Variants in JAM3 observed in about 807,000 individuals in gnomAD.
The protein encoded by JAM3 is junctional adhesion molecule C.
JAM3 carries 31 observed loss-of-function variants against 39.4 expected under a neutral mutation model. The observed-to-expected ratio is 0.79, with a 90% CI of 0.59 to 1.06. JAM3 has a LOEUF of 1.06. JAM3 is among the 50% of genes least tolerant of loss of function. The pLI, the probability that JAM3 is intolerant of heterozygous loss-of-function variation, is 0.00. For missense variants in JAM3, 455 were observed against 391.4 expected (o/e 1.16, Z -1.37); for synonymous variants, 182 against 148.7 (o/e 1.22, Z -1.63).
intron 1 of JAM3, among the ~76,000 whole-genome samples, chr11:134,123,628 T>TC (rs1456153171): frequency 6.6e-6 from 1 of 152,230 alleles, no homozygotes. Flanking sequence ...TCTTTCTCTT[T>TC]TCTTAAACAT....
chr11:134,107,478 TA>T (rs1942215876), intron 1 of JAM3, among the ~76,000 whole-genome samples: 5 of 151,846 alleles, frequency 3.3e-5, no homozygotes, highest in South Asian at 4.2e-4. Flanking sequence ...ACATAAAGTA[TA>T]AAAAATATAT....
intron 1 of JAM3, 93 bp from the exon 2 acceptor site, chr11:134,139,758 A>T (rs1182752898): frequency 3.2e-6 from 3 of 932,976 alleles, no homozygotes; most frequent in Non-Finnish European, 5.4e-6. Flanking sequence ...TAGTAACCAT[A>T]GCCTACGCAG....
chr11:134,110,130 C>T (rs1255622101), intron 1 of JAM3, among the ~76,000 whole-genome samples: 1 of 152,174 alleles, frequency 6.6e-6, no homozygotes, highest in East Asian at 1.9e-4. Context: ...CACTGTGCAT[C>T]TATCAGAATG....
intron 1 of JAM3, among the ~76,000 whole-genome samples, chr11:134,133,465 CT>C (rs1216203267): frequency 4.6e-5 from 7 of 152,072 alleles, no homozygotes; most frequent in African/African-American, 1.7e-4. Flanking sequence ...ATAGAAAGTT[CT>C]TTCTATTCCT....
chr11:134,135,116 TATAGTTTTAGCTCTTAAATTTA>T (rs997928963), intron 1 of JAM3, among the ~76,000 whole-genome samples: 14 of 152,206 alleles, frequency 9.2e-5, no homozygotes, highest in Admixed American at 2.0e-4. Context: ...TCCAAAATTT[TATAGTTTTAGCTCTTAAATTTA>T]ATAGTTTTAG....
In JAM3 at chr11:134,074,148, T is replaced by A. The variant is rs540770294; in HGVS notation, c.76+4989T>A. ...TGATTACGATTACACAAAACATCTA[T>A]GCTTAGGGGAAAAAACAGGATGAGA... On this transcript the variant is annotated intron_variant, in intron 1 of 8. Transcript: ENST00000299106. Among the ~76,000 whole-genome samples the A allele has an allele frequency of 1.4e-4, 21 of 152,316 alleles. No individual in the cohort carries two copies. In the South Asian group the frequency reaches 4.3e-3, roughly 32 times the overall value.
Position 134,151,293 on chromosome 11 carries a change from C to T in JAM3, c.*2112C>T, listed in dbSNP as rs958722203. On this transcript the variant is annotated 3_prime_UTR_variant, in exon 9 of 9. Coordinates refer to ENST00000299106, the MANE Select transcript of JAM3 (RefSeq NM_032801.5). ...GAGGCAGGAAATGCTCCAGCAGTGG[C>T]TCAGTGCTCCCTGGTGTCTGCTGCA... is the stretch of plus-strand genomic sequence containing the variant. The T allele has an allele frequency of 6.6e-6, 1 of 152,260 alleles. No individual in the cohort carries two copies. Among genetic ancestry groups the T allele is most frequent in the African/African-American group, 2.4e-5 (1 of 41,468 alleles). The allele number at this position is 152,260 out of a possible 1,614,324, so 9.4% of individuals were successfully genotyped here.
intron 1 of JAM3, among the ~76,000 whole-genome samples, chr11:134,100,363 G>A (rs1942052707): frequency 1.3e-5 from 2 of 152,176 alleles, no homozygotes; most frequent in Admixed American, 1.3e-4. Flanking sequence ...AGGAGGAGGT[G>A]TGATATAGGA....
At chr11:134,144,074 T>G (rs966538183) in intron 3 of JAM3, among the ~76,000 whole-genome samples, 167 bp from the exon 4 acceptor site, 5 of 151,402 alleles carry the variant, frequency 3.3e-5, no homozygotes, top group African/African-American at 1.2e-4. Context: ...GAATAGGTCA[T>G]GGTTCCTGTC....
chr11:134,106,614 A>G (rs1942193762), intron 1 of JAM3, among the ~76,000 whole-genome samples: 1 of 152,252 alleles, frequency 6.6e-6, no homozygotes, highest in African/African-American at 2.4e-5. Context: ...GCTAATATCT[A>G]GAATCTACAA....
chr11:134,145,820 G>A, intron 5 of JAM3, 126 bp from the exon 6 acceptor site: 6 of 747,716 alleles, frequency 8.0e-6, no homozygotes, highest in Non-Finnish European at 1.5e-5. Context: ...GGAGGAACAT[G>A]CACAGTGCTG....
intron 1 of JAM3, among the ~76,000 whole-genome samples, chr11:134,133,988 T>C (rs1455538441): frequency 1.3e-5 from 2 of 151,992 alleles, no homozygotes; most frequent in Admixed American, 6.6e-5. Flanking sequence ...ATGCTAAGGG[T>C]TCTAATGGGA....
intron 6 of JAM3, chr11:134,147,687 C>A (rs560478443): frequency 2.1e-5 from 3 of 142,186 alleles, no homozygotes; most frequent in African/African-American, 9.1e-5. Context: ...GGGGTTTCAC[C>A]ACCTTAGCCA....
chr11:134,092,486 C>T (rs1365867774), intron 1 of JAM3, among the ~76,000 whole-genome samples: 4 of 137,014 alleles, frequency 2.9e-5, no homozygotes, highest in Admixed American at 7.2e-5. Flanking sequence ...CCACCTTAAA[C>T]GTCACTTCCT....
chr11:134,121,639 T>C (rs1942534084), intron 1 of JAM3, among the ~76,000 whole-genome samples: 1 of 152,148 alleles, frequency 6.6e-6, no homozygotes, highest in African/African-American at 2.4e-5. Context: ...AAAAGATTCC[T>C]TTAATTTTAA....
chr11:134,135,162 G>T (rs775687845), intron 1 of JAM3, among the ~76,000 whole-genome samples: 2 of 152,084 alleles, frequency 1.3e-5, no homozygotes, highest in Non-Finnish European at 2.9e-5. Context: ...TTAAATTTAG[G>T]TGTTTTATAT....
At chr11:134,120,454 C>T (rs2120768785) in intron 1 of JAM3, among the ~76,000 whole-genome samples, 1 of 152,340 alleles carries the variant, frequency 6.6e-6, no homozygotes, top group Admixed American at 6.5e-5. Flanking sequence ...AACTTCTTTT[C>T]CTTCTTGGCT....
chr11:134,139,316 C>T (rs753215596), intron 1 of JAM3, among the ~76,000 whole-genome samples: 2 of 152,166 alleles, frequency 1.3e-5, no homozygotes, highest in Non-Finnish European at 2.9e-5. Flanking sequence ...GTGAAAACTT[C>T]TTCGTGGACT....
intron 1 of JAM3, among the ~76,000 whole-genome samples, chr11:134,115,012 T>C (rs567991348): frequency 6.6e-6 from 1 of 152,370 alleles, no homozygotes; most frequent in Admixed American, 6.5e-5. Flanking sequence ...GCATAATATA[T>C]TTTGAAGCTC....
Sources: allele counts gnomAD v4.1 joint callset (sites outside exome capture counted in the v4.1 genomes callset), GRCh38; gene constraint gnomAD v4.1.1; transcripts MANE v1.5; gene names NCBI Gene and HGNC (gene_info 2026-07-23, HGNC 2026-07-21).